Variants in DST observed in about 807,000 individuals in gnomAD.
DST encodes the protein bullous pemphigoid antigen.
A neutral mutation model predicts 875.2 loss-of-function variants in DST; 253 were observed. The observed-to-expected ratio is 0.29, with a 90% CI of 0.26 to 0.32. The LOEUF (loss-of-function observed/expected upper bound fraction) is 0.32, where lower values mean the gene tolerates loss of function less well. Among genes scored for constraint, DST ranks in the 10% least tolerant of loss-of-function variants. DST has a pLI of 1.00. For missense variants in DST, 8,287 were observed against 9,111.6 expected (o/e 0.91, Z 3.68); for synonymous variants, 3,124 against 3,197.1 (o/e 0.98, Z 0.77).
At chr6:56,895,002 C>T (rs1750671535) in intron 3 of DST, among the ~76,000 whole-genome samples, 1 of 111,682 alleles carries the variant, frequency 9.0e-6, no homozygotes, top group Non-Finnish European at 1.8e-5. Flanking sequence ...TACCTCCCTC[C>T]CGGACTGGGC....
chr6:56,954,397 C>T lies in DST; in HGVS notation c.181+10G>A, dbSNP rs374719750. 32 of 1,363,954 alleles carry T rather than the reference C, an allele frequency of 2.3e-5. No individual in the cohort carries two copies. In the East Asian group the frequency reaches 3.7e-4, roughly 16 times the overall value. The allele number at this position is 1,363,954 out of a possible 1,614,324, so 84.5% of individuals were successfully genotyped here. ...GGTAGCCCGCAGAAACCCGTCGCGG[C>T]GTGTCTTACCTCGGCTTCTTGAACG... On this transcript the variant is annotated intron_variant, in intron 1 of 103. Coordinates refer to ENST00000680361, the MANE Select transcript of DST (RefSeq NM_001374736.1).
intron 54 of DST, among the ~76,000 whole-genome samples, chr6:56,569,177 T>C (rs2097733475): frequency 1.3e-5 from 2 of 151,542 alleles, no homozygotes; most frequent in Non-Finnish European, 2.9e-5. Flanking sequence ...TACAAAAAAT[T>C]AGCTGGGCGT....
intron 4 of DST, among the ~76,000 whole-genome samples, chr6:56,797,525 T>A (rs2099741352): frequency 6.6e-6 from 1 of 152,120 alleles, no homozygotes; most frequent in African/African-American, 2.4e-5. Flanking sequence ...GGCGAAGTTC[T>A]TGAAGGAAAT....
At chr6:56,711,214 T>C (rs1241222962) in intron 5 of DST, among the ~76,000 whole-genome samples, 2 of 152,190 alleles carry the variant, frequency 1.3e-5, no homozygotes, top group Admixed American at 6.5e-5. Context: ...AATAAAAACA[T>C]TTATTAATAT....
At chr6:56,645,139 C>G (rs961868985) in intron 15 of DST, among the ~76,000 whole-genome samples, 2 of 152,162 alleles carry the variant, frequency 1.3e-5, no homozygotes, top group Non-Finnish European at 2.9e-5. Flanking sequence ...TCAGATATGT[C>G]TTTATTAGCA....
At chr6:56,882,683 C>T (rs890497152) in intron 3 of DST, among the ~76,000 whole-genome samples, 1 of 152,198 alleles carries the variant, frequency 6.6e-6, no homozygotes, top group Non-Finnish European at 1.5e-5. Context: ...AATTAAGCAA[C>T]TCAATATCTT....
At chr6:56,549,458 G>A (rs566881047) in intron 61 of DST, among the ~76,000 whole-genome samples, 17 of 152,206 alleles carry the variant, frequency 1.1e-4, no homozygotes, top group African/African-American at 4.1e-4. Flanking sequence ...TTTAACAAAA[G>A]TCTAAGGCCC....
intron 9 of DST, among the ~76,000 whole-genome samples, chr6:56,671,210 C>G (rs2099099573): frequency 6.6e-6 from 1 of 152,168 alleles, no homozygotes; most frequent in Admixed American, 6.5e-5. Context: ...TCTCTTTTTA[C>G]TAAACCAAAA....
At chr6:56,649,080 A>T (rs1401099264) in intron 12 of DST, among the ~76,000 whole-genome samples, 1 of 152,188 alleles carries the variant, frequency 6.6e-6, no homozygotes, top group Non-Finnish European at 1.5e-5. Flanking sequence ...CATCTTTGCC[A>T]ACTATTTTAG....
chr6:56,596,175 C>G (rs764899860), intron 47 of DST, among the ~76,000 whole-genome samples: 1 of 151,746 alleles, frequency 6.6e-6, no homozygotes, highest in African/African-American at 2.4e-5. Context: ...ATTACAGGCA[C>G]GCACCACCAC....
Position 56,608,371 on chromosome 6 carries a change from G to T in DST, c.6257C>A (p.Ser2086Tyr). 1.2e-5 allele frequency: 20 copies of T among 1,612,872 alleles called. No individual in the cohort carries two copies. The highest frequency in any genetic ancestry group is 1.5e-5 in the Non-Finnish European group (18 of 1,179,784). ...ATTTGTAATCAATTCTTGCTGCAAGGAAGATGATGTGGGAAATATTTCACC... is the reference window on the plus strand; with the variant it reads ...ATTTGTAATCAATTCTTGCTGCAAGTAAGATGATGTGGGAAATATTTCACC... ...HSGEIFPTSS[S>Y]LQQELITNEL... is the part of the protein sequence containing the mutation. Residue 2086 changes from serine to tyrosine, a missense_variant, in exon 40 of 104, where the codon TCC becomes TAC. Ser to Tyr is a moderately radical substitution (Grantham distance 144). Transcript: ENST00000680361.
chr6:56,697,317 T>G (rs1032427148), intron 9 of DST, among the ~76,000 whole-genome samples: 3 of 152,226 alleles, frequency 2.0e-5, no homozygotes, highest in Non-Finnish European at 4.4e-5. Context: ...CTACCTCAGC[T>G]TCACAGCTTA....
At position 56,644,752 on chromosome 6, in the gene DST, T is replaced by A. The variant is rs143976152; in HGVS notation, c.1778+1114A>T. On this transcript the variant is annotated intron_variant, in intron 15 of 103. Coordinates refer to ENST00000680361, the MANE Select transcript of DST (RefSeq NM_001374736.1). ...GAATGTTTAGGTGTAAGGCAGCCAGTGTGGCTACTGTGCAGAGAGCAAGGG... is the reference window on the plus strand; with the variant it reads ...GAATGTTTAGGTGTAAGGCAGCCAGAGTGGCTACTGTGCAGAGAGCAAGGG... Among the ~76,000 whole-genome samples, 62 of 152,296 alleles carry A rather than the reference T, an allele frequency of 4.1e-4. No individual in the cohort carries two copies. The East Asian group carries it at 9.7e-3, about 24-fold the overall frequency.
At chr6:56,615,759 C>A in intron 36 of DST, 4 of 1,614,098 alleles carry the variant, frequency 2.5e-6, no homozygotes, top group Non-Finnish European at 3.4e-6. Flanking sequence ...CGAGAGTGAA[C>A]CTGTGGCTCT....
chr6:56,757,827 TA>T (rs778485882), intron 4 of DST, among the ~76,000 whole-genome samples: 9 of 152,166 alleles, frequency 5.9e-5, no homozygotes, highest in Admixed American at 3.3e-4. Flanking sequence ...ATGGTGGCTA[TA>T]ACCATGCCAG....
intron 64 of DST, among the ~76,000 whole-genome samples, chr6:56,531,174 A>G (rs1430280569): frequency 6.6e-6 from 1 of 152,180 alleles, no homozygotes; most frequent in African/African-American, 2.4e-5. Flanking sequence ...AAATTCAAAT[A>G]TCCAATCATC....
chr6:56,594,083 C>G lies in DST; in HGVS notation c.12306G>C (p.Glu4102Asp), dbSNP rs1359178010. Residue 4102 changes from glutamate (E) to aspartate (D), a missense_variant, in exon 48 of 104, where the codon GAG (glutamate) becomes GAC (aspartate). Glu to Asp is a conservative substitution (Grantham distance 45, BLOSUM62 2). Transcript: ENST00000680361. ...GTTCCTTCATGTTCTTTTGCAGTTTCTCTTTTTCTTCAGGAGAGAGATACT... is the reference window on the plus strand; with the variant it reads ...GTTCCTTCATGTTCTTTTGCAGTTTGTCTTTTTCTTCAGGAGAGAGATACT... ...QGQYLSPEEK[E>D]KLQKNMKELK... 1.9e-6 allele frequency: 3 copies of G among 1,611,428 alleles called. No homozygotes were observed. Among genetic ancestry groups the G allele is most frequent in the East Asian group, 4.5e-5 (2 of 44,884 alleles).
chr6:56,780,175 A>G (rs977003061), intron 4 of DST, among the ~76,000 whole-genome samples: 81 of 151,864 alleles, frequency 5.3e-4, no homozygotes, highest in Admixed American at 1.2e-3. Flanking sequence ...GAATAGTGCC[A>G]CAATAAACAT....
intron 88 of DST, chr6:56,483,718 A>C (rs1344374543): frequency 6.6e-6 from 1 of 151,886 alleles, no homozygotes; most frequent in Admixed American, 6.6e-5. Flanking sequence ...CTGTCACAAT[A>C]AAATTAATGT....
Sources: allele counts gnomAD v4.1 joint callset (sites outside exome capture counted in the v4.1 genomes callset), GRCh38; gene constraint gnomAD v4.1.1; transcripts MANE v1.5; gene names NCBI Gene and HGNC (gene_info 2026-07-23, HGNC 2026-07-21).